RHCE: variants seen among roughly 807,000 people sequenced by gnomAD.
The protein encoded by RHCE is Rh blood group CcEe antigens.
RHCE carries 22 observed loss-of-function variants against 43.8 expected under a neutral mutation model. That is an observed-to-expected ratio of 0.50 (90% confidence interval 0.36 to 0.72). The LOEUF is 0.72. Among genes scored for constraint, RHCE ranks in the 30% least tolerant of loss-of-function variants. The pLI, the probability that RHCE is intolerant of heterozygous loss-of-function variation, is 0.00. For missense variants in RHCE, 385 were observed against 525.4 expected, an observed-to-expected ratio of 0.73 and a Z score of 2.61; for synonymous variants, 156 against 210.7, an observed-to-expected ratio of 0.74 and a Z score of 2.25.
chr1:25,393,234 A>G (rs1406850082), intron 3 of RHCE, among the ~76,000 whole-genome samples: 1 of 152,042 alleles, frequency 6.6e-6, no homozygotes, highest in African/African-American at 2.4e-5. Context: ...CGCTACCCCA[A>G]ATTGTTACAG....
At chr1:25,386,842 A>AACACACACAC (rs3079633) in intron 6 of RHCE, among the ~76,000 whole-genome samples, 35 of 138,890 alleles carry the variant, frequency 2.5e-4, no homozygotes, top group African/African-American at 7.7e-4. Flanking sequence ...ACAACAACAA[A>AACACACACAC]ACACACACAC....
At chr1:25,404,117 G>C (rs1013822590) in intron 2 of RHCE, among the ~76,000 whole-genome samples, 1 of 139,816 alleles carries the variant, frequency 7.2e-6, no homozygotes, top group African/African-American at 2.7e-5. Context: ...GCAGTCAGCC[G>C]AGATTGCACC....
chr1:25,375,579 AT>A, intron 7 of RHCE, 151 bp from the exon 8 acceptor site: 1 of 1,139,554 alleles, frequency 8.8e-7, no homozygotes, highest in Non-Finnish European at 1.3e-6. Context: ...TTCCCCTGGC[AT>A]TTTCCCAAAA....
intron 3 of RHCE, among the ~76,000 whole-genome samples, chr1:25,401,539 G>A (rs771861503): frequency 9.9e-5 from 15 of 152,174 alleles, no homozygotes; most frequent in Non-Finnish European, 1.9e-4. Context: ...TTACAGCAGA[G>A]GAGCTGGGAG....
At chr1:25,399,600 G>C (rs1193079096) in intron 3 of RHCE, among the ~76,000 whole-genome samples, 1 of 152,138 alleles carries the variant, frequency 6.6e-6, no homozygotes, top group Non-Finnish European at 1.5e-5. Context: ...CTTAATTCAT[G>C]AATAAAAACT....
chr1:25,416,125 G>A (rs76440808), intron 1 of RHCE, among the ~76,000 whole-genome samples: 90,630 of 150,552 alleles, frequency 0.6, 29,126 homozygotes, highest in African/African-American at 0.84. Flanking sequence ...CACTTGCTCA[G>A]GATGTCATAC....
Position 25,390,778 on chromosome 1 carries a change from A to C in RHCE, c.772T>G (p.Leu258Val), listed in dbSNP as rs1244883507. 2 of 1,614,252 alleles carry C rather than the reference A, an allele frequency of 1.2e-6. No homozygotes were observed. The highest frequency in any genetic ancestry group is 3.3e-5 in the Admixed American group (2 of 60,032). ...CTGATCTTCCTTTGGGGGTGAGCCA[A>C]GGATGACCCTGAGATGGCTGTCACC... ...SVVTAISGSS[L>V]AHPQRKISMT... The change falls in exon 5 of 10, where the codon TTG (leucine) becomes GTG (valine). Residue 258 changes from leucine to valine, a missense_variant. Transcript: ENST00000294413.
At chr1:25,383,035 T>C (rs186738048) in intron 7 of RHCE, among the ~76,000 whole-genome samples, 1,546 of 152,316 alleles carry the variant, frequency 0.01, 28 homozygotes, top group African/African-American at 0.035. Context: ...AGTCTGAGGT[T>C]TTCTCTGCTA....
chr1:25,385,947 G>A, intron 6 of RHCE, 103 bp from the exon 7 acceptor site: 2 of 1,544,318 alleles, frequency 1.3e-6, no homozygotes, highest in Non-Finnish European at 1.8e-6. Context: ...AATGGGGATG[G>A]GCACTAAGGC....
chr1:25,403,278 T>C (rs1571897031), intron 2 of RHCE, among the ~76,000 whole-genome samples: 1 of 151,916 alleles, frequency 6.6e-6, no homozygotes, highest in South Asian at 2.1e-4. Context: ...GCCTTGCCAC[T>C]GGAGTGGCTA....
chr1:25,410,149 G>A (rs143518754), intron 1 of RHCE, among the ~76,000 whole-genome samples: 3 of 151,684 alleles, frequency 2.0e-5, no homozygotes, highest in African/African-American at 7.3e-5. Flanking sequence ...TGCCCACCTC[G>A]GTTTCCCAAA....
chr1:25,387,652 T>C (rs757104221), intron 6 of RHCE, among the ~76,000 whole-genome samples: 2 of 152,170 alleles, frequency 1.3e-5, no homozygotes, highest in Non-Finnish European at 2.9e-5. Flanking sequence ...TTGTTCCCCT[T>C]GCAAAGATGA....
At chr1:25,372,423 G>T (rs1485264557) in intron 8 of RHCE, among the ~76,000 whole-genome samples, 5 of 151,452 alleles carry the variant, frequency 3.3e-5, no homozygotes, top group Non-Finnish European at 4.4e-5. Flanking sequence ...GGAGGCTGAG[G>T]CAGGAGAATC....
At chr1:25,412,580 C>G (rs1647114985) in intron 1 of RHCE, among the ~76,000 whole-genome samples, 1 of 151,960 alleles carries the variant, frequency 6.6e-6, no homozygotes, top group Admixed American at 6.6e-5. Flanking sequence ...GGCGTGGTGG[C>G]AAGTGCCTGT....
chr1:25,369,174 G>A (rs1007930713), intron 9 of RHCE, among the ~76,000 whole-genome samples: 3 of 151,754 alleles, frequency 2.0e-5, no homozygotes, highest in Non-Finnish European at 4.4e-5. Flanking sequence ...TCTCTCCCCA[G>A]GTCCTCTCTG....
chr1:25,373,833 T>C (rs552222028), intron 8 of RHCE, among the ~76,000 whole-genome samples: 23 of 146,020 alleles, frequency 1.6e-4, no homozygotes, highest in Non-Finnish European at 2.9e-4. Context: ...GTATATTTTC[T>C]TTCTTTTTTT....
intron 8 of RHCE, 92 bp from the exon 9 acceptor site, chr1:25,370,632 A>C: frequency 8.8e-7 from 1 of 1,139,170 alleles, no homozygotes; most frequent in Non-Finnish European, 1.3e-6. Context: ...TCAAAACGAC[A>C]GTGTCTCAAC....
At chr1:25,377,850 A>G (rs1036601194) in intron 7 of RHCE, among the ~76,000 whole-genome samples, 13 of 152,220 alleles carry the variant, frequency 8.5e-5, no homozygotes, top group African/African-American at 2.7e-4. Flanking sequence ...GGTTGTAGTG[A>G]GCTGAGATAG....
chr1:25,379,619 C>T (rs1645931608), intron 7 of RHCE, among the ~76,000 whole-genome samples: 1 of 150,270 alleles, frequency 6.7e-6, no homozygotes, highest in Non-Finnish European at 1.5e-5. Flanking sequence ...ATCCTCCTGT[C>T]TCAGCCTCCT....
Sources: gnomAD v4.1 joint callset for allele counts (sites outside exome capture counted in the v4.1 genomes callset) on GRCh38, gnomAD v4.1.1 for gene constraint, MANE v1.5 for transcripts, NCBI Gene and HGNC (gene_info 2026-07-23, HGNC 2026-07-21) for gene names.